Variants in RPH3AL observed in about 807,000 individuals in gnomAD.
RPH3AL encodes rabphilin 3A like (without C2 domains), also known as rab effector Noc2.
In RPH3AL, 38 loss-of-function variants were observed where a neutral mutation model predicts 43.1. The observed-to-expected ratio is 0.88, with a 90% confidence interval of 0.68 to 1.15. The LOEUF is 1.15. Ranked by LOEUF, RPH3AL falls within the 50% of genes most tolerant of loss-of-function variation. RPH3AL has a pLI of 0.00. For synonymous variants in RPH3AL, 189 were observed against 176.3 expected (o/e 1.07, Z -0.57); for missense variants, 462 against 423.2 (o/e 1.09, Z -0.81).
chr17:269,127 C>G (rs1028042659), intron 6 of RPH3AL, among the ~76,000 whole-genome samples: 2 of 152,170 alleles, frequency 1.3e-5, no homozygotes, highest in Non-Finnish European at 2.9e-5. Flanking sequence ...ATCCGCCCGC[C>G]TTGGCTTCCT....
intron 1 of RPH3AL, among the ~76,000 whole-genome samples, chr17:350,384 G>A (rs1312251702): frequency 6.6e-6 from 1 of 152,054 alleles, no homozygotes; most frequent in Admixed American, 6.5e-5. Flanking sequence ...GGCCGAGGTG[G>A]GCAGATCATG....
At chr17:244,657 G>A (rs567029264) in intron 7 of RPH3AL, among the ~76,000 whole-genome samples, 24 of 152,192 alleles carry the variant, frequency 1.6e-4, no homozygotes, top group Admixed American at 1.2e-3. Flanking sequence ...TATCTCCTGG[G>A]ACTTTCCAGC....
At chr17:275,462 C>G (rs2042631725) in intron 6 of RPH3AL, among the ~76,000 whole-genome samples, 1 of 151,998 alleles carries the variant, frequency 6.6e-6, no homozygotes, top group African/African-American at 2.4e-5. Flanking sequence ...CAAACACAAG[C>G]AGAACTAAGC....
At chr17:294,987 T>A (rs369577012) in intron 5 of RPH3AL, among the ~76,000 whole-genome samples, 2 of 53,240 alleles carry the variant, frequency 3.8e-5, no homozygotes, top group East Asian at 6.3e-4. Context: ...ACAGATGCTG[T>A]AGAAATGGAA....
chr17:327,631 G>A lies in RPH3AL; in HGVS notation c.-36-52C>T, dbSNP rs1175530556. On this transcript the variant is annotated intron_variant, in intron 2 of 9. Coordinates refer to ENST00000331302, the MANE Select transcript of RPH3AL (RefSeq NM_006987.4). Reference sequence around the variant, plus strand: ...AGTGTGCATCATTGGCTGGGGTACAGATGGCAGACAGGTTCTCTGTGCCCT... The same window carrying A: ...AGTGTGCATCATTGGCTGGGGTACAAATGGCAGACAGGTTCTCTGTGCCCT... 47 of 1,212,492 alleles carry A rather than the reference G, an allele frequency of 3.9e-5. No homozygotes were observed. The Admixed American group carries it at 8.5e-4, about 22-fold the overall frequency. 75.1% of individuals were successfully genotyped at this position (1,212,492 alleles called of 1,614,324 possible). A position where few individuals can be genotyped will look rare whatever the true frequency, so the allele number is the denominator to read the frequency against.
At chr17:252,711 G>A (rs1054071695) in intron 6 of RPH3AL, among the ~76,000 whole-genome samples, 1 of 152,196 alleles carries the variant, frequency 6.6e-6, no homozygotes, top group African/African-American at 2.4e-5. Context: ...ATTGCCTTAG[G>A]AAAGACGGGT....
At chr17:252,533 C>G (rs1387615591) in intron 6 of RPH3AL, among the ~76,000 whole-genome samples, 1 of 152,142 alleles carries the variant, frequency 6.6e-6, no homozygotes, top group Non-Finnish European at 1.5e-5. Flanking sequence ...AGCAGTCGTT[C>G]CGAACTCATA....
intron 6 of RPH3AL, among the ~76,000 whole-genome samples, chr17:268,130 T>G (rs1181853092): frequency 6.6e-6 from 1 of 152,192 alleles, no homozygotes; most frequent in African/African-American, 2.4e-5. Context: ...ATGAACCACA[T>G]GGGCTGGAAC....
intron 6 of RPH3AL, among the ~76,000 whole-genome samples, chr17:257,219 C>G (rs868938137): frequency 1.8e-3 from 63 of 35,096 alleles, no homozygotes; most frequent in African/African-American, 3.9e-3. Context: ...TTTTCCATCC[C>G]TAGGAATGTG....
intron 6 of RPH3AL, among the ~76,000 whole-genome samples, chr17:258,367 C>G (rs1241335219): frequency 2.0e-5 from 3 of 152,222 alleles, no homozygotes; most frequent in Non-Finnish European, 4.4e-5. Context: ...GTGTCTCAAC[C>G]TACAGTCTGC....
intron 6 of RPH3AL, chr17:261,892 G>A (rs919454637): frequency 6.6e-6 from 1 of 152,124 alleles, no homozygotes; most frequent in Non-Finnish European, 1.5e-5. Context: ...ACTACTCTGG[G>A]GTCTGGAGGG....
At chr17:317,512 C>T (rs1456733238) in intron 5 of RPH3AL, among the ~76,000 whole-genome samples, 6 of 139,926 alleles carry the variant, frequency 4.3e-5, no homozygotes, top group Admixed American at 2.8e-4. Context: ...AGTCCCTGTG[C>T]CCCCACCTCC....
At chr17:311,991 T>C (rs146048460) in intron 5 of RPH3AL, among the ~76,000 whole-genome samples, 1 of 152,124 alleles carries the variant, frequency 6.6e-6, no homozygotes, top group Non-Finnish European at 1.5e-5. Context: ...CCTAATCCGA[T>C]AGGACTAGTG....
At chr17:237,098 G>A (rs1272831242) in intron 7 of RPH3AL, among the ~76,000 whole-genome samples, 1 of 152,230 alleles carries the variant, frequency 6.6e-6, no homozygotes, top group Non-Finnish European at 1.5e-5. Flanking sequence ...CAGGTAGAGG[G>A]CGTGGGGTGG....
intron 7 of RPH3AL, among the ~76,000 whole-genome samples, chr17:222,404 A>G (rs2041013531): frequency 6.6e-6 from 1 of 152,222 alleles, no homozygotes; most frequent in Non-Finnish European, 1.5e-5. Flanking sequence ...CAGTTCATCC[A>G]GTAACGCACA....
chr17:292,748 G>A (rs1280140104), intron 5 of RPH3AL, among the ~76,000 whole-genome samples: 1 of 152,158 alleles, frequency 6.6e-6, no homozygotes, highest in Non-Finnish European at 1.5e-5. Flanking sequence ...CGACAGATGA[G>A]GTCAAGCTTC....
rs1374679441 is a variant in RPH3AL at position 330,923 on chromosome 17, C to G, written c.-37+2836G>C. The G allele has an allele frequency of 2.6e-5, 4 of 151,662 alleles. No homozygotes were observed. In the East Asian group the frequency reaches 7.7e-4, roughly 29 times the overall value. 9.4% of individuals were successfully genotyped at this position (151,662 alleles called of 1,614,324 possible). ...AAATTTTGGCTTTTATGTAAACTTA[C>G]TAGAAGTCCAGGAACAAGTCAACTG... On this transcript the variant is annotated intron_variant, in intron 2 of 9. Transcript: ENST00000331302.
rs565786648 is a variant in RPH3AL, at chr17:298,980, G to A, written c.352-17126C>T. Among the ~76,000 whole-genome samples, 10 of 152,058 alleles carry A rather than the reference G, an allele frequency of 6.6e-5. No individual in the cohort carries two copies. In the South Asian group the frequency reaches 1.0e-3, roughly 16 times the overall value. On this transcript the variant is annotated intron_variant, in intron 5 of 9. Coordinates refer to ENST00000331302, the MANE Select transcript of RPH3AL (RefSeq NM_006987.4). ...CTGCTCAAGTCAGCAGGCTGCAGCC[G>A]GGGAATGAACTGAGGGCCTCGGATA...
chr17:244,983 C>T (rs1555539159), intron 7 of RPH3AL, among the ~76,000 whole-genome samples: 2 of 151,942 alleles, frequency 1.3e-5, no homozygotes, highest in South Asian at 4.2e-4. Flanking sequence ...TGCATGTGAG[C>T]AAGTGTGTAT....
Sources: gnomAD v4.1 joint callset for allele counts (sites outside exome capture counted in the v4.1 genomes callset) on GRCh38, gnomAD v4.1.1 for gene constraint, MANE v1.5 for transcripts, NCBI Gene and HGNC (gene_info 2026-07-23, HGNC 2026-07-21) for gene names.